The following TRAIP variants were observed in gnomAD, a reference collection of about 807,000 sequenced individuals.
TRAIP encodes the protein E3 ubiquitin-protein ligase TRAIP.
In TRAIP, 37 loss-of-function variants were observed where a neutral mutation model predicts 65.0. The observed-to-expected ratio is 0.57, with a 90% CI of 0.44 to 0.75. The LOEUF is 0.75. Among genes scored for constraint, TRAIP ranks in the 30% least tolerant of loss-of-function variants. TRAIP has a pLI of 0.00. For missense variants in TRAIP, 481 were observed against 579.4 expected (o/e 0.83, Z 1.74); for synonymous variants, 187 against 219.1 (o/e 0.85, Z 1.29).
intron 3 of TRAIP, among the ~76,000 whole-genome samples, chr3:49,846,404 T>C (rs2081882360): frequency 6.6e-6 from 1 of 152,056 alleles, no homozygotes; most frequent in Non-Finnish European, 1.5e-5. Flanking sequence ...TAGGGAACAC[T>C]GAATCCAAAA....
Position 49,841,821 on chromosome 3 carries a change from C to T in TRAIP, c.617+5G>A, listed in dbSNP as rs561166589. 3.1e-5 allele frequency: 50 copies of T among 1,611,700 alleles called. No homozygotes were observed. Among genetic ancestry groups the T allele is most frequent in the Admixed American group, 5.0e-5 (3 of 60,004 alleles). On this transcript the variant is annotated splice_donor_5th_base_variant and intron_variant, in intron 7 of 14. Transcript: ENST00000331456. ...GTGTTTGCTGAGAGGGGCCACAGTA[C>T]GCACTTCTTGAGAGACACACAGTAC...
Position 49,851,932 on chromosome 3 carries a change from C to T in TRAIP, c.99-3732G>A, listed in dbSNP as rs193235829. ...CAGGATGGTCTCGATCTCCTGACCT[C>T]GTGATCCACCAGCCTCGGCCTCCCA... is the stretch of plus-strand genomic sequence containing the variant. On this transcript the variant is annotated intron_variant, in intron 1 of 14. Transcript: ENST00000331456. 1.9e-3 allele frequency among the ~76,000 whole-genome samples: 283 copies of T among 147,348 alleles called. 3 individuals carry two copies. Among genetic ancestry groups the T allele is most frequent in the African/African-American group, 6.4e-3 (256 of 39,828 alleles).
At chr3:49,843,117 A>C (rs1487993382) in intron 5 of TRAIP, 1 of 155,210 alleles carries the variant, frequency 6.4e-6, no homozygotes, top group Non-Finnish European at 1.4e-5. Flanking sequence ...CCCAAGCAGG[A>C]ACAGAGACAA....
chr3:49,840,495 T>A (rs2081829614), intron 8 of TRAIP, 122 bp from the exon 9 acceptor site: 1 of 767,504 alleles, frequency 1.3e-6, no homozygotes, highest in Non-Finnish European at 2.2e-6. Flanking sequence ...TGGGCAGAGA[T>A]CCCAGCTCTC....
chr3:49,843,867 G>A lies in TRAIP; in HGVS notation c.342C>T (p.Arg114=), dbSNP rs202124497. 6.2e-7 allele frequency: 1 copy of A among 1,613,882 alleles called. No individual in the cohort carries two copies. The highest frequency in any genetic ancestry group is 2.2e-5 in the East Asian group (1 of 44,872). ...IDTLRDTLEE[R]NATVVSLQQA... is the part of the protein sequence containing the mutation. Reference sequence around the variant, plus strand: ...GCTGCAGAGATACCACAGTAGCATTGCGTTCTTCCAGCGTATCCCGCAGAG... The same window carrying A: ...GCTGCAGAGATACCACAGTAGCATTACGTTCTTCCAGCGTATCCCGCAGAG... Residue 114 remains arginine (R), a synonymous_variant, in exon 5 of 15, where the codon CGC becomes CGT. Transcript: ENST00000331456.
At chr3:49,832,235 G>A (rs1381542741) in intron 10 of TRAIP, among the ~76,000 whole-genome samples, 167 bp from the exon 11 acceptor site, 1 of 152,178 alleles carries the variant, frequency 6.6e-6, no homozygotes, top group Non-Finnish European at 1.5e-5. Flanking sequence ...GCTCACGCCT[G>A]TAATCCCAGC....
intron 10 of TRAIP, 36 bp from the exon 11 acceptor site, chr3:49,832,104 A>G: frequency 1.3e-6 from 2 of 1,544,386 alleles, no homozygotes; most frequent in African/African-American, 1.4e-5. Flanking sequence ...TTGGGGCCAC[A>G]GTGGTAACCC....
intron 8 of TRAIP, 42 bp from the exon 9 acceptor site, chr3:49,840,415 G>A (rs2081828900): frequency 6.4e-7 from 1 of 1,561,614 alleles, no homozygotes; most frequent in Non-Finnish European, 8.8e-7. Context: ...CCAAGTGGTA[G>A]CCTTGTGCCC....
At chr3:49,854,386 G>A (rs1335605575) in intron 1 of TRAIP, among the ~76,000 whole-genome samples, 1 of 152,160 alleles carries the variant, frequency 6.6e-6, no homozygotes, top group African/African-American at 2.4e-5. Flanking sequence ...CAACAATAAC[G>A]TAGAAGTGGG....
In TRAIP at chr3:49,856,385, G is replaced by A; in HGVS notation, c.69C>T (p.Ile23=). 1 of 1,614,078 alleles carries A rather than the reference G, an allele frequency of 6.2e-7. No individual in the cohort carries two copies. Among genetic ancestry groups the A allele is most frequent in the Non-Finnish European group, 8.5e-7 (1 of 1,179,966 alleles). Residue 23 remains isoleucine (I), a synonymous_variant, in exon 1 of 15, where the codon ATC becomes ATT. Coordinates refer to ENST00000331456, the MANE Select transcript of TRAIP (RefSeq NM_005879.3). ...FFDHSRDVAA[I]HCGHTFHLQC... ...GCAAGTGGAAGGTGTGGCCGCAGTG[G>A]ATGGCGGCCACGTCGCGGGAGTGAT...
chr3:49,829,550 TG>T (rs1559444156), intron 13 of TRAIP, 42 bp from the exon 14 acceptor site: 1 of 1,614,012 alleles, frequency 6.2e-7, no homozygotes, highest in Non-Finnish European at 8.5e-7. Context: ...GCTAATGGGC[TG>T]GGGGGCTGGC....
chr3:49,831,538 T>G (rs1485949191), intron 11 of TRAIP, among the ~76,000 whole-genome samples: 1 of 152,238 alleles, frequency 6.6e-6, no homozygotes, highest in African/African-American at 2.4e-5. Context: ...CCCTCAGGCA[T>G]GAGCCTCAGA....
chr3:49,856,542 A>C lies in TRAIP; in HGVS notation c.-89T>G. The C allele has an allele frequency of 1.6e-6, 2 of 1,231,248 alleles. No homozygotes were observed. The highest frequency in any genetic ancestry group is 2.3e-6 in the Non-Finnish European group (2 of 866,472). 76.3% of individuals were successfully genotyped at this position (1,231,248 alleles called of 1,614,324 possible). A position where few individuals can be genotyped will look rare whatever the true frequency, so the allele number is the denominator to read the frequency against. On this transcript the variant is annotated 5_prime_UTR_variant, in exon 1 of 15. The change creates a new upstream start codon in the 5' untranslated region. Coordinates refer to ENST00000331456, the MANE Select transcript of TRAIP (RefSeq NM_005879.3). ...CGCCCCCGCGCCTCCGCTTGCTTCA[A>C]ATTTGGCTCCGCAGCACGACTTCCT...
Position 49,828,867 on chromosome 3 carries a change from A to C in TRAIP, c.*236T>G, listed in dbSNP as rs2081705758. 1.9e-6 allele frequency: 1 copy of C among 533,446 alleles called. No individual in the cohort carries two copies. The highest frequency in any genetic ancestry group is 1.9e-5 in the African/African-American group (1 of 52,324). 33.0% of individuals were successfully genotyped at this position (533,446 alleles called of 1,614,324 possible). A position where few individuals can be genotyped will look rare whatever the true frequency, so the allele number is the denominator to read the frequency against. On this transcript the variant is annotated 3_prime_UTR_variant, in exon 15 of 15. Coordinates refer to ENST00000331456, the MANE Select transcript of TRAIP (RefSeq NM_005879.3). ...TAAACAGGAGCCTGGCAACAGGAGC[A>C]GGACCTGCTGACAGGATCAGTGGGC...
At position 49,856,549 on chromosome 3, in the gene TRAIP, C is replaced by G; in HGVS notation, c.-96G>C. On this transcript the variant is annotated 5_prime_UTR_variant, in exon 1 of 15. Transcript: ENST00000331456. ...GCGCCTCCGCTTGCTTCAAATTTGGCTCCGCAGCACGACTTCCTGGAGCGG... is the reference window on the plus strand; with the variant it reads ...GCGCCTCCGCTTGCTTCAAATTTGGGTCCGCAGCACGACTTCCTGGAGCGG... 9.3e-7 allele frequency: 1 copy of G among 1,079,296 alleles called. No individual in the cohort carries two copies. Among genetic ancestry groups the G allele is most frequent in the Non-Finnish European group, 1.4e-6 (1 of 735,210 alleles). The allele number at this position is 1,079,296 out of a possible 1,614,324, so 66.9% of individuals were successfully genotyped here.
intron 1 of TRAIP, among the ~76,000 whole-genome samples, chr3:49,850,402 G>T (rs2081920474): frequency 6.6e-6 from 1 of 151,812 alleles, no homozygotes; most frequent in Non-Finnish European, 1.5e-5. Context: ...GGGAGACTAA[G>T]GCAGAAGAAT....
chr3:49,843,697 G>A (rs2108317006), intron 5 of TRAIP, 104 bp downstream of exon 5: 8 of 1,486,286 alleles, frequency 5.4e-6, no homozygotes, highest in Non-Finnish European at 7.4e-6. Context: ...CCCAAACCAA[G>A]GTGATGACTG....
At chr3:49,840,074 G>A (rs1271240044) in intron 9 of TRAIP, among the ~76,000 whole-genome samples, 1 of 152,204 alleles carries the variant, frequency 6.6e-6, no homozygotes, top group Admixed American at 6.5e-5. Context: ...AGACTATGAG[G>A]GAAGACTCAT....
intron 6 of TRAIP, 47 bp from the exon 7 acceptor site, chr3:49,841,986 G>T: frequency 1.4e-6 from 2 of 1,476,934 alleles, no homozygotes; most frequent in East Asian, 2.3e-5. Context: ...GGAGGCTGAT[G>T]GGTAGGTACC....
Sources: gnomAD v4.1 joint callset for allele counts (sites outside exome capture counted in the v4.1 genomes callset) on GRCh38, gnomAD v4.1.1 for gene constraint, MANE v1.5 for transcripts, NCBI Gene and HGNC (gene_info 2026-07-23, HGNC 2026-07-21) for gene names.